The following ABCA13 variants were observed in gnomAD, a reference collection of about 807,000 sequenced individuals.
ABCA13 encodes ATP binding cassette subfamily A member 13, also known as ATP-binding cassette sub-family A member 13.
A neutral mutation model predicts 478.7 loss-of-function variants in ABCA13; 476 were observed. That is an observed-to-expected ratio of 0.99 (90% CI 0.92 to 1.07). ABCA13 has a LOEUF of 1.07. Ranked by LOEUF, ABCA13 falls within the 50% of genes least tolerant of loss-of-function variation. The pLI is 0.00. For synonymous variants in ABCA13, 2,252 were observed against 2,158.9 expected, an observed-to-expected ratio of 1.04 and a Z score of -1.20; for missense variants, 6,060 against 5,910.6, an observed-to-expected ratio of 1.03 and a Z score of -0.83.
chr7:48,388,996 G>A (rs1815622293), intron 36 of ABCA13, 44 bp from the exon 37 acceptor site: 2 of 1,575,442 alleles, frequency 1.3e-6, no homozygotes, highest in African/African-American at 1.4e-5. Flanking sequence ...TTATTTTTAG[G>A]GCTTTTGAAG....
chr7:48,206,079 A>G lies in ABCA13; in HGVS notation c.287+7719A>G, dbSNP rs1562777505. Among the ~76,000 whole-genome samples, 7 of 152,298 alleles carry G rather than the reference A, an allele frequency of 4.6e-5. No individual in the cohort carries two copies. The South Asian group carries it at 1.5e-3, about 32-fold the overall frequency. On this transcript the variant is annotated intron_variant, in intron 3 of 61. Transcript: ENST00000435803. ...GGCAATAGCTTGTCTGCTTTTGGTC[A>G]TCTAGATTAGATTTGCCTTTTCTAA... is the stretch of plus-strand genomic sequence containing the variant.
At chr7:48,411,352 A>G (rs1231674814) in intron 40 of ABCA13, among the ~76,000 whole-genome samples, 1 of 87,140 alleles carries the variant, frequency 1.1e-5, no homozygotes, top group East Asian at 3.2e-4. Context: ...TCTGTTGCCC[A>G]GGCTGGAGTG....
chr7:48,639,421 A>G (rs536584272), intron 59 of ABCA13, among the ~76,000 whole-genome samples: 53 of 152,308 alleles, frequency 3.5e-4, no homozygotes, highest in Admixed American at 3.5e-3. Flanking sequence ...CAGGAAGATG[A>G]GAATTAGGGA....
intron 29 of ABCA13, among the ~76,000 whole-genome samples, chr7:48,341,253 C>T (rs984565229): frequency 6.6e-6 from 1 of 152,126 alleles, no homozygotes; most frequent in African/African-American, 2.4e-5. Context: ...CAACACATCA[C>T]CTTTATGTTG....
intron 3 of ABCA13, among the ~76,000 whole-genome samples, chr7:48,217,975 G>A (rs953877186): frequency 2.0e-5 from 3 of 152,134 alleles, no homozygotes; most frequent in African/African-American, 7.2e-5. Flanking sequence ...ATAGCTCTGG[G>A]ATTTCCCTGC....
chr7:48,199,010 A>C (rs1426866329), intron 3 of ABCA13, among the ~76,000 whole-genome samples: 1 of 152,214 alleles, frequency 6.6e-6, no homozygotes, highest in East Asian at 1.9e-4. Context: ...AACTTCTCCC[A>C]GGTGAAGTTA....
At chr7:48,234,226 G>T in intron 8 of ABCA13, 75 bp downstream of exon 8, 1 of 1,606,426 alleles carries the variant, frequency 6.2e-7, no homozygotes, top group South Asian at 1.1e-5. Flanking sequence ...TGCTGGGGCA[G>T]GGTGAGCGGG....
chr7:48,610,248 T>C lies in ABCA13; in HGVS notation c.14745-5037T>C, dbSNP rs145191590. ...GCTAAAAGAAAGAGGCTACAGGCCC[T>C]GAGCAAGCCCAAAACCCAGCAGAGT... On this transcript the variant is annotated intron_variant, in intron 58 of 61. Transcript: ENST00000435803. Among the ~76,000 whole-genome samples, 202 of 152,330 alleles carry C rather than the reference T, an allele frequency of 1.3e-3. 2 individuals carry two copies. Among genetic ancestry groups the C allele is most frequent in the African/African-American group, 4.4e-3 (181 of 41,576 alleles).
At chr7:48,428,403 G>C (rs1192479397) in intron 42 of ABCA13, among the ~76,000 whole-genome samples, 1 of 152,132 alleles carries the variant, frequency 6.6e-6, no homozygotes. Context: ...CTAGGTGTGT[G>C]ACTGAAGCTC....
intron 38 of ABCA13, among the ~76,000 whole-genome samples, chr7:48,392,988 G>A (rs1003130750): frequency 1.3e-5 from 2 of 152,206 alleles, no homozygotes; most frequent in African/African-American, 2.4e-5. Flanking sequence ...CTAGAGTTGA[G>A]AATATGTGGG....
intron 27 of ABCA13, among the ~76,000 whole-genome samples, chr7:48,325,003 T>G (rs1383756305): frequency 2.0e-5 from 3 of 152,230 alleles, no homozygotes; most frequent in Non-Finnish European, 4.4e-5. Context: ...TAAACGTTAC[T>G]TCCCCCTTCC....
intron 27 of ABCA13, among the ~76,000 whole-genome samples, chr7:48,333,528 G>A (rs1805735994): frequency 6.6e-6 from 1 of 152,072 alleles, no homozygotes. Context: ...TTGTATCATG[G>A]GTATTCTAAG....
chr7:48,245,173 G>A (rs778739337), intron 11 of ABCA13, among the ~76,000 whole-genome samples: 4 of 152,136 alleles, frequency 2.6e-5, no homozygotes, highest in Non-Finnish European at 5.9e-5. Flanking sequence ...CTTGACTATG[G>A]TGAGCATTAT....
At chr7:48,309,880 G>C in intron 23 of ABCA13, 67 bp from the exon 24 acceptor site, 1 of 1,571,184 alleles carries the variant, frequency 6.4e-7, no homozygotes, top group Non-Finnish European at 8.7e-7. Context: ...ATGAAGCTCC[G>C]GTCTGAGGTG....
chr7:48,402,131 A>G (rs1483359961), intron 38 of ABCA13, among the ~76,000 whole-genome samples: 1 of 152,186 alleles, frequency 6.6e-6, no homozygotes, highest in Non-Finnish European at 1.5e-5. Flanking sequence ...CTTAGGGTGC[A>G]CAATGAGGCA....
In ABCA13 at chr7:48,418,582, A is replaced by G. The variant is rs574919054; in HGVS notation, c.12459+5999A>G. On this transcript the variant is annotated intron_variant, in intron 41 of 61. Coordinates refer to ENST00000435803, the MANE Select transcript of ABCA13 (RefSeq NM_152701.5). ...GTTTTAAGAGCTCTTTGTTAACTTCATTTTTCTCATCCCTACGGTAGGTTT... is the reference window on the plus strand; with the variant it reads ...GTTTTAAGAGCTCTTTGTTAACTTCGTTTTTCTCATCCCTACGGTAGGTTT... Among the ~76,000 whole-genome samples the G allele has an allele frequency of 4.1e-3, 625 of 152,058 alleles. 4 individuals are homozygous for G. The highest frequency in any genetic ancestry group is 0.014 in the African/African-American group (591 of 41,466).
At chr7:48,538,913 T>G (rs1214808515) in intron 55 of ABCA13, among the ~76,000 whole-genome samples, 1 of 152,218 alleles carries the variant, frequency 6.6e-6, no homozygotes, top group Non-Finnish European at 1.5e-5. Context: ...CCTGAACTGT[T>G]GGACATGGTG....
chr7:48,227,812 A>G (rs890708738), intron 6 of ABCA13, among the ~76,000 whole-genome samples: 2 of 152,220 alleles, frequency 1.3e-5, no homozygotes, highest in African/African-American at 4.8e-5. Context: ...GTTTTTCACT[A>G]TTAGAGATAG....
intron 20 of ABCA13, among the ~76,000 whole-genome samples, chr7:48,295,046 A>C (rs1394200555): frequency 2.0e-5 from 3 of 152,228 alleles, no homozygotes; most frequent in South Asian, 4.1e-4. Context: ...CTTTATACCC[A>C]GAAGTGGGAT....
Sources: gnomAD v4.1 joint callset for allele counts (sites outside exome capture counted in the v4.1 genomes callset) on GRCh38, gnomAD v4.1.1 for gene constraint, MANE v1.5 for transcripts, NCBI Gene and HGNC (gene_info 2026-07-23, HGNC 2026-07-21) for gene names.